ERI3: variants seen among roughly 807,000 people sequenced by gnomAD.
ERI3 encodes ERI1 exoribonuclease family member 3.
A neutral mutation model predicts 44.4 loss-of-function variants in ERI3; 18 were observed. The observed-to-expected ratio is 0.41, with a 90% CI of 0.28 to 0.60. The LOEUF (loss-of-function observed/expected upper bound fraction) is 0.60. Among genes scored for constraint, ERI3 ranks in the 20% least tolerant of loss-of-function variants. ERI3 has a pLI of 0.36. For missense variants in ERI3, 294 were observed against 435.5 expected (o/e 0.68, Z 2.89); for synonymous variants, 183 against 164.8 (o/e 1.11, Z -0.84).
chr1:44,316,655 T>C (rs899975149), intron 4 of ERI3, among the ~76,000 whole-genome samples: 2 of 152,208 alleles, frequency 1.3e-5, no homozygotes, highest in African/African-American at 4.8e-5. Flanking sequence ...AATCTGATAA[T>C]CAGACCCACT....
intron 7 of ERI3, among the ~76,000 whole-genome samples, chr1:44,276,260 C>T (rs935790255): frequency 1.3e-5 from 2 of 152,220 alleles, no homozygotes; most frequent in South Asian, 4.1e-4. Context: ...GGACAAACAT[C>T]CAAACCATAA....
chr1:44,276,819 T>C (rs1645188705), intron 7 of ERI3, among the ~76,000 whole-genome samples: 2 of 152,188 alleles, frequency 1.3e-5, no homozygotes, highest in Non-Finnish European at 2.9e-5. Flanking sequence ...ATCCCTTTCA[T>C]CAAACCTCCC....
Position 44,319,621 on chromosome 1 carries a change from C to T in ERI3, c.606+7G>A, listed in dbSNP as rs747785192. 6.9e-6 allele frequency: 11 copies of T among 1,601,708 alleles called. No homozygotes were observed. In the East Asian group the frequency reaches 2.2e-4, roughly 32 times the overall value. On this transcript the variant is annotated splice_region_variant and intron_variant, in intron 4 of 8. Coordinates refer to ENST00000372257, the MANE Select transcript of ERI3 (RefSeq NM_024066.3). ...CAGCCCCTGCTGCCCACTTCCAGGG[C>T]CCTTACCTCTGTACAGAATGGGGTA...
chr1:44,252,867 C>T lies in ERI3; in HGVS notation c.832-4829G>A, dbSNP rs1416923917. On this transcript the variant is annotated intron_variant, in intron 7 of 8. Transcript: ENST00000372257. The surrounding 1 kb of genome is among the most constrained non-coding windows in gnomAD (Gnocchi z 4.7). Reference sequence around the variant, plus strand: ...CAGCTCAGGCTGCAGACAGAATAGGCTGCTCTGCAACTTTCAGAAAAACCA... The same window carrying T: ...CAGCTCAGGCTGCAGACAGAATAGGTTGCTCTGCAACTTTCAGAAAAACCA... 6.6e-6 allele frequency among the ~76,000 whole-genome samples: 1 copy of T among 152,232 alleles called. No homozygotes were observed. The highest frequency in any genetic ancestry group is 1.9e-4 in the East Asian group (1 of 5,198).
chr1:44,297,933 C>G (rs1030276644), intron 6 of ERI3, among the ~76,000 whole-genome samples: 1 of 152,222 alleles, frequency 6.6e-6, no homozygotes, highest in African/African-American at 2.4e-5. Flanking sequence ...GTCACCCGTA[C>G]CAATATCAGC....
At chr1:44,303,613 G>A (rs1200229025) in intron 6 of ERI3, among the ~76,000 whole-genome samples, 4 of 152,178 alleles carry the variant, frequency 2.6e-5, no homozygotes, top group African/African-American at 9.7e-5. Context: ...AAGGCACCTA[G>A]AGAAAGAAGA....
intron 8 of ERI3, among the ~76,000 whole-genome samples, chr1:44,247,396 C>T (rs1644576915): frequency 6.6e-6 from 1 of 152,166 alleles, no homozygotes; most frequent in African/African-American, 2.4e-5. Context: ...CCCAAGTGGA[C>T]CCCCTCAACC....
chr1:44,242,603 G>A (rs545656945), intron 8 of ERI3, among the ~76,000 whole-genome samples: 3 of 152,284 alleles, frequency 2.0e-5, no homozygotes, highest in Non-Finnish European at 2.9e-5. Context: ...AGGTGGACAC[G>A]GTCACTCTGT....
intron 7 of ERI3, among the ~76,000 whole-genome samples, chr1:44,248,851 T>A (rs1644611780): frequency 6.6e-6 from 1 of 152,030 alleles, no homozygotes; most frequent in Admixed American, 6.5e-5. Flanking sequence ...GGGGCATCGA[T>A]CTGCTCAGGC....
intron 7 of ERI3, among the ~76,000 whole-genome samples, chr1:44,254,061 C>T (rs1472783462): frequency 6.6e-6 from 1 of 152,222 alleles, no homozygotes. Context: ...ATATACTCTG[C>T]AGATGTCTTC....
intron 6 of ERI3, among the ~76,000 whole-genome samples, chr1:44,304,672 G>A (rs1016842468): frequency 1.3e-5 from 2 of 152,100 alleles, no homozygotes; most frequent in African/African-American, 2.4e-5. Context: ...TCTCTTCAGT[G>A]GTCTTGACCG....
chr1:44,290,570 G>A (rs1645484861), intron 6 of ERI3, among the ~76,000 whole-genome samples: 1 of 152,170 alleles, frequency 6.6e-6, no homozygotes, highest in African/African-American at 2.4e-5. Context: ...CCCAGTCAGG[G>A]AGCCCTATCT....
rs12401928 is a variant in ERI3 at position 44,301,802 on chromosome 1, C to T, written c.758+6508G>A. On this transcript the variant is annotated intron_variant, in intron 6 of 8. Transcript: ENST00000372257. Reference sequence around the variant, plus strand: ...TGGGGCCTTTGGCTATCCAAGTTTCCGATGTACTTCTCACAGACTTGGAAA... The same window carrying T: ...TGGGGCCTTTGGCTATCCAAGTTTCTGATGTACTTCTCACAGACTTGGAAA... Among the ~76,000 whole-genome samples the T allele has an allele frequency of 9.1e-3, 1,392 of 152,274 alleles. 62 individuals are homozygous for T. Among genetic ancestry groups the T allele is most frequent in the Admixed American group, 0.078 (1,200 of 15,300 alleles).
At chr1:44,352,222 C>A (rs1286081360) in intron 2 of ERI3, among the ~76,000 whole-genome samples, 1 of 152,150 alleles carries the variant, frequency 6.6e-6, no homozygotes, top group Non-Finnish European at 1.5e-5. Context: ...AACTAACCAC[C>A]CACCAAAAGG....
chr1:44,336,367 A>C (rs2154330903), intron 3 of ERI3, among the ~76,000 whole-genome samples: 1 of 152,340 alleles, frequency 6.6e-6, no homozygotes, highest in East Asian at 1.9e-4. Flanking sequence ...GCTACTAACA[A>C]GTTTCAACCT....
chr1:44,223,998 CCTG>C (rs749414842), intron 8 of ERI3, among the ~76,000 whole-genome samples: 2 of 152,332 alleles, frequency 1.3e-5, no homozygotes, highest in South Asian at 4.1e-4. Flanking sequence ...TACCCCTCAC[CCTG>C]CTATGTTCTC....
chr1:44,287,773 A>G (rs969672757), intron 6 of ERI3, among the ~76,000 whole-genome samples: 2 of 152,214 alleles, frequency 1.3e-5, no homozygotes, highest in Admixed American at 6.5e-5. Context: ...CTTATCCTTC[A>G]TATTTGTGGA....
chr1:44,303,312 G>C (rs995304472), intron 6 of ERI3, among the ~76,000 whole-genome samples: 1 of 152,224 alleles, frequency 6.6e-6, no homozygotes, highest in African/African-American at 2.4e-5. Flanking sequence ...CAAGGCCTGA[G>C]AATTCCTCCT....
chr1:44,226,778 A>AACACACACACACACACAC (rs60011057), intron 8 of ERI3, among the ~76,000 whole-genome samples: 149 of 143,466 alleles, frequency 1.0e-3, no homozygotes, highest in Non-Finnish European at 1.2e-3. Context: ...AGCATTATTA[A>AACACACACACACACACAC]ACACACACAC....
Sources: allele counts gnomAD v4.1 joint callset (sites outside exome capture counted in the v4.1 genomes callset), GRCh38; gene constraint gnomAD v4.1.1; non-coding constraint Gnocchi (gnomAD v3.1); transcripts MANE v1.5; gene names NCBI Gene and HGNC (gene_info 2026-07-23, HGNC 2026-07-21).